The following AIG1 variants were observed in gnomAD, a reference collection of about 807,000 sequenced individuals.
The protein encoded by AIG1 is androgen-induced gene 1 protein.
A neutral mutation model predicts 31.4 loss-of-function variants in AIG1; 23 were observed. The ratio of observed to expected loss-of-function variants is 0.73; its 90% confidence interval spans 0.53 to 1.04. The LOEUF is 1.04. AIG1 is among the 50% of genes least tolerant of loss of function. AIG1 has a pLI of 0.00. For synonymous variants in AIG1, 100 were observed against 110.5 expected (o/e 0.90, Z 0.60); for missense variants, 274 against 295.0 (o/e 0.93, Z 0.52).
intron 2 of AIG1, among the ~76,000 whole-genome samples, chr6:143,164,622 A>C (rs1786739255): frequency 6.6e-6 from 1 of 152,176 alleles, no homozygotes; most frequent in Non-Finnish European, 1.5e-5. Flanking sequence ...GGTGAAGTGG[A>C]AATTTGAGAA....
intron 2 of AIG1, among the ~76,000 whole-genome samples, chr6:143,164,519 A>G (rs1347220458): frequency 6.6e-6 from 1 of 152,230 alleles, no homozygotes; most frequent in Admixed American, 6.5e-5. Context: ...TTCTCAGTGC[A>G]GCTAAAGCCC....
In AIG1 at chr6:143,239,421, G is replaced by A. The variant is rs1794059222; in HGVS notation, c.400-44689G>A. Among the ~76,000 whole-genome samples, 12 of 152,190 alleles carry A rather than the reference G, an allele frequency of 7.9e-5. 1 individual carries two copies. Among genetic ancestry groups the A allele is most frequent in the Admixed American group, 7.9e-4 (12 of 15,282 alleles). On this transcript the variant is annotated intron_variant, in intron 3 of 5. Transcript: ENST00000357847. ...ATCTTGTGCTCACTTCCTTTGTTGG[G>A]TGAGACTGTGGCTGTGGCTTCAGAA...
intron 4 of AIG1, among the ~76,000 whole-genome samples, chr6:143,287,449 G>A (rs1797762924): frequency 1.3e-5 from 2 of 152,166 alleles, no homozygotes; most frequent in Admixed American, 6.5e-5. Flanking sequence ...GAACTACGGT[G>A]CAAGCCCCAT....
chr6:143,296,092 C>A (rs758018841), intron 4 of AIG1, among the ~76,000 whole-genome samples: 2 of 152,034 alleles, frequency 1.3e-5, no homozygotes, highest in Admixed American at 6.6e-5. Flanking sequence ...CACATACACA[C>A]ACACCCCTAC....
intron 4 of AIG1, among the ~76,000 whole-genome samples, chr6:143,308,243 A>G (rs1358490069): frequency 6.6e-6 from 1 of 152,216 alleles, no homozygotes; most frequent in Non-Finnish European, 1.5e-5. Flanking sequence ...GGCACTCCAT[A>G]GTGAGATGAA....
At chr6:143,061,222 T>TG in intron 1 of AIG1, 156 bp downstream of exon 1, 1 of 918,074 alleles carries the variant, frequency 1.1e-6, no homozygotes, top group Non-Finnish European at 1.8e-6. Flanking sequence ...AGTGATTGCG[T>TG]GTGAAGGCCT....
chr6:143,102,576 T>TAA (rs1282144875), intron 1 of AIG1, among the ~76,000 whole-genome samples: 2 of 147,764 alleles, frequency 1.4e-5, no homozygotes, highest in African/African-American at 4.9e-5. Flanking sequence ...TAAATATATA[T>TAA]AATATAATAT....
At chr6:143,249,641 A>C (rs764875687) in intron 3 of AIG1, among the ~76,000 whole-genome samples, 1 of 152,118 alleles carries the variant, frequency 6.6e-6, no homozygotes, top group Admixed American at 6.6e-5. Flanking sequence ...CTACCAGTAC[A>C]TGGTTTCTCC....
intron 3 of AIG1, among the ~76,000 whole-genome samples, chr6:143,221,216 C>T (rs941302340): frequency 1.3e-5 from 2 of 152,100 alleles, no homozygotes; most frequent in African/African-American, 4.8e-5. Flanking sequence ...TTGAGTAATT[C>T]GTTTTGTCTA....
chr6:143,134,625 C>T (rs911311689), intron 1 of AIG1, among the ~76,000 whole-genome samples: 2 of 151,694 alleles, frequency 1.3e-5, no homozygotes, highest in African/African-American at 2.4e-5. Flanking sequence ...AATTATATCA[C>T]GAAATAAATA....
rs965817016 is a variant in AIG1, at chr6:143,251,411, T to C, written c.400-32699T>C. ...CTTTAGAACAGCCCTAAGAAATCAA[T>C]TCACATACTTTCTTAACTGACCCAT... On this transcript the variant is annotated intron_variant, in intron 3 of 5. Transcript: ENST00000357847. 4.6e-5 allele frequency among the ~76,000 whole-genome samples: 7 copies of C among 152,268 alleles called. No individual in the cohort carries two copies. The South Asian group carries it at 1.0e-3, about 23-fold the overall frequency.
At chr6:143,093,722 C>A (rs1477624822) in intron 1 of AIG1, among the ~76,000 whole-genome samples, 1 of 152,146 alleles carries the variant, frequency 6.6e-6, no homozygotes, top group Non-Finnish European at 1.5e-5. Flanking sequence ...TTCCCTTGAT[C>A]ACTTAGAGGC....
intron 3 of AIG1, among the ~76,000 whole-genome samples, chr6:143,237,846 C>A (rs946723885): frequency 2.6e-5 from 4 of 152,174 alleles, no homozygotes; most frequent in African/African-American, 9.7e-5. Context: ...ACGTAGAAGT[C>A]TGTTTTCTCC....
Position 143,084,340 on chromosome 6 carries a change from G to A in AIG1, c.141+23274G>A, listed in dbSNP as rs576695529. On this transcript the variant is annotated intron_variant, in intron 1 of 5. Coordinates refer to ENST00000357847, the MANE Select transcript of AIG1 (RefSeq NM_016108.4). ...ACGAGGGGGTGGCTTATTTCTATTC[G>A]GACAATCTTTTTTACAGTGTCCTTG... 6.8e-4 allele frequency among the ~76,000 whole-genome samples: 104 copies of A among 152,176 alleles called. 1 individual carries two copies. The highest frequency in any genetic ancestry group is 2.3e-3 in the African/African-American group (97 of 41,518).
chr6:143,323,761 C>G (rs531058283), intron 4 of AIG1, among the ~76,000 whole-genome samples: 1 of 152,070 alleles, frequency 6.6e-6, no homozygotes, highest in Non-Finnish European at 1.5e-5. Flanking sequence ...TGCTGCTCAC[C>G]CCACCTGACA....
At chr6:143,090,962 C>T (rs901046427) in intron 1 of AIG1, among the ~76,000 whole-genome samples, 2 of 152,186 alleles carry the variant, frequency 1.3e-5, no homozygotes, top group Non-Finnish European at 2.9e-5. Context: ...TCAGATCCTG[C>T]TGCTGCTTTA....
chr6:143,188,020 T>C, intron 3 of AIG1: 2 of 1,106,250 alleles, frequency 1.8e-6, no homozygotes, highest in Non-Finnish European at 2.2e-6. Flanking sequence ...ATACCACTTT[T>C]GTTTCTTTTA....
intron 3 of AIG1, among the ~76,000 whole-genome samples, chr6:143,166,814 A>G (rs573461899): frequency 3.9e-5 from 6 of 152,326 alleles, no homozygotes; most frequent in African/African-American, 1.2e-4. Context: ...CGCAATTACA[A>G]ATGAAGAAAC....
At chr6:143,286,228 G>A (rs1336926320) in intron 4 of AIG1, among the ~76,000 whole-genome samples, 5 of 152,082 alleles carry the variant, frequency 3.3e-5, no homozygotes, top group Non-Finnish European at 5.9e-5. Context: ...ATCAGTCCAC[G>A]TTCCAAAGAG....
Sources: allele counts gnomAD v4.1 joint callset (sites outside exome capture counted in the v4.1 genomes callset), GRCh38; gene constraint gnomAD v4.1.1; transcripts MANE v1.5; gene names NCBI Gene and HGNC (gene_info 2026-07-23, HGNC 2026-07-21).